The following NAV3 variants were observed in gnomAD, a reference collection of about 807,000 sequenced individuals.
The protein encoded by NAV3 is pore membrane and/or filament interacting like protein 1.
A neutral mutation model predicts 244.7 loss-of-function variants in NAV3; 87 were observed. The ratio of observed to expected loss-of-function variants is 0.36; its 90% CI spans 0.30 to 0.42. The LOEUF (loss-of-function observed/expected upper bound fraction) is 0.42. Ranked by LOEUF, NAV3 falls within the 20% of genes least tolerant of loss-of-function variation. The pLI is 1.00. For missense variants in NAV3, 2,663 were observed against 2,893.3 expected, an observed-to-expected ratio of 0.92 and a Z score of 1.83; for synonymous variants, 1,126 against 1,042.2, an observed-to-expected ratio of 1.08 and a Z score of -1.55.
At chr12:77,755,454 C>CT (rs1358037989) in intron 2 of NAV3, among the ~76,000 whole-genome samples, 1 of 151,632 alleles carries the variant, frequency 6.6e-6, no homozygotes, top group African/African-American at 2.4e-5. Flanking sequence ...CTTTTCTTTT[C>CT]TTTTTTCTTT....
At chr12:77,692,592 G>T (rs1875086143) in intron 2 of NAV3, among the ~76,000 whole-genome samples, 1 of 151,978 alleles carries the variant, frequency 6.6e-6, no homozygotes, top group Non-Finnish European at 1.5e-5. Flanking sequence ...TTACCATCTA[G>T]CACCATTACT....
intron 1 of NAV3, among the ~76,000 whole-genome samples, chr12:77,878,346 C>G (rs1295600667): frequency 1.3e-5 from 2 of 152,120 alleles, no homozygotes; most frequent in African/African-American, 4.8e-5. Flanking sequence ...CAGCCTCAGC[C>G]TCCCAAGTAG....
At chr12:78,171,556 G>A (rs569266258) in intron 24 of NAV3, among the ~76,000 whole-genome samples, 7 of 151,448 alleles carry the variant, frequency 4.6e-5, no homozygotes, top group South Asian at 4.1e-4. Flanking sequence ...TGGTTATAAA[G>A]GTTTGAATAT....
At chr12:77,662,487 A>G (rs1455524141) in intron 2 of NAV3, among the ~76,000 whole-genome samples, 1 of 151,064 alleles carries the variant, frequency 6.6e-6, no homozygotes, top group Non-Finnish European at 1.5e-5. Context: ...ACTTTTTTGT[A>G]AATCCCATAG....
chr12:77,959,302 C>T (rs1891656021), intron 3 of NAV3, among the ~76,000 whole-genome samples: 1 of 151,912 alleles, frequency 6.6e-6, no homozygotes, highest in African/African-American at 2.4e-5. Flanking sequence ...TCGGTTAATT[C>T]TTAAGTGTAG....
intron 12 of NAV3, among the ~76,000 whole-genome samples, chr12:78,095,823 C>T (rs573580571): frequency 2.0e-5 from 3 of 152,128 alleles, no homozygotes; most frequent in Non-Finnish European, 2.9e-5. Context: ...TATAGTTGTA[C>T]AGGTTGAATC....
intron 21 of NAV3, among the ~76,000 whole-genome samples, chr12:78,148,618 G>A (rs543010710): frequency 9.2e-5 from 14 of 152,076 alleles, no homozygotes; most frequent in South Asian, 2.1e-4. Flanking sequence ...GCAAGTGAGC[G>A]TACTTTGATT....
At chr12:77,904,292 C>T (rs1419004307) in intron 1 of NAV3, among the ~76,000 whole-genome samples, 4 of 152,114 alleles carry the variant, frequency 2.6e-5, no homozygotes, top group Non-Finnish European at 5.9e-5. Flanking sequence ...GGCACATATA[C>T]ACCATGGAAT....
intron 2 of NAV3, among the ~76,000 whole-genome samples, chr12:77,627,134 C>T (rs1369584391): frequency 3.3e-5 from 5 of 151,998 alleles, no homozygotes; most frequent in African/African-American, 4.8e-5. Flanking sequence ...TATATGCTGC[C>T]TATAAGAAAT....
At chr12:77,843,215 T>C (rs949673028) in intron 1 of NAV3, among the ~76,000 whole-genome samples, 1 of 152,206 alleles carries the variant, frequency 6.6e-6, no homozygotes, top group Non-Finnish European at 1.5e-5. Flanking sequence ...CCTTCCTCCA[T>C]TGAATACAAG....
At position 77,882,247 on chromosome 12, in the gene NAV3, A is replaced by G. The variant is rs552053848; in HGVS notation, c.243+50543A>G. 3.3e-5 allele frequency among the ~76,000 whole-genome samples: 5 copies of G among 152,260 alleles called. No individual in the cohort carries two copies. The East Asian group carries it at 5.8e-4, about 18-fold the overall frequency. On this transcript the variant is annotated intron_variant, in intron 1 of 39. Transcript: ENST00000397909. ...ACCAGTTGACAAATAGAGCAATGCA[A>G]CATAATAGAAAACTCAGAAATAATA...
chr12:77,766,150 A>G (rs746715057), intron 2 of NAV3, among the ~76,000 whole-genome samples: 8 of 152,226 alleles, frequency 5.3e-5, no homozygotes, highest in Admixed American at 1.3e-4. Flanking sequence ...TTCCCCTCCC[A>G]GCTAATAAAA....
At chr12:78,151,377 C>A (rs973584125) in intron 22 of NAV3, among the ~76,000 whole-genome samples, 2 of 151,906 alleles carry the variant, frequency 1.3e-5, no homozygotes, top group Admixed American at 1.3e-4. Flanking sequence ...AAGGAAACAA[C>A]CAAAAATATC....
intron 1 of NAV3, among the ~76,000 whole-genome samples, chr12:77,838,483 C>A (rs1227418563): frequency 6.6e-6 from 1 of 151,942 alleles, no homozygotes; most frequent in East Asian, 1.9e-4. Context: ...AAATTTCATA[C>A]AACTTTTTAA....
At chr12:77,871,046 C>T (rs533445251) in intron 1 of NAV3, among the ~76,000 whole-genome samples, 6 of 152,040 alleles carry the variant, frequency 3.9e-5, no homozygotes, top group Non-Finnish European at 8.8e-5. Context: ...TGAAAGTAAC[C>T]GGCCCATCAT....
intron 1 of NAV3, among the ~76,000 whole-genome samples, chr12:77,906,161 G>A (rs538208234): frequency 6.6e-6 from 1 of 152,202 alleles, no homozygotes; most frequent in East Asian, 1.9e-4. Flanking sequence ...ACCAATTTCT[G>A]TACAATGAGA....
At chr12:77,705,697 A>C (rs376202489) in intron 2 of NAV3, among the ~76,000 whole-genome samples, 33 of 151,486 alleles carry the variant, frequency 2.2e-4, no homozygotes, top group African/African-American at 8.1e-4. Context: ...TCAAAGATGA[A>C]TTCAGCCCCT....
At chr12:77,845,038 T>C (rs1876377015) in intron 1 of NAV3, among the ~76,000 whole-genome samples, 1 of 152,190 alleles carries the variant, frequency 6.6e-6, no homozygotes, top group Admixed American at 6.5e-5. Flanking sequence ...AAACACACAA[T>C]TTTTAGCACA....
At chr12:77,606,621 A>G (rs1172017052) in intron 2 of NAV3, among the ~76,000 whole-genome samples, 3 of 152,154 alleles carry the variant, frequency 2.0e-5, no homozygotes, top group African/African-American at 7.2e-5. Context: ...ATGTATATGT[A>G]TGTTAGTTTC....
Sources: gnomAD v4.1 joint callset for allele counts (sites outside exome capture counted in the v4.1 genomes callset) on GRCh38, gnomAD v4.1.1 for gene constraint, MANE v1.5 for transcripts, NCBI Gene and HGNC (gene_info 2026-07-23, HGNC 2026-07-21) for gene names.